The following CSMD1 variants were observed in gnomAD, a reference collection of about 807,000 sequenced individuals.
CSMD1 encodes the protein CUB and sushi domain-containing protein 1.
A neutral mutation model predicts 417.5 loss-of-function variants in CSMD1; 213 were observed. The observed-to-expected ratio is 0.51, with a 90% CI of 0.46 to 0.57. The LOEUF (loss-of-function observed/expected upper bound fraction) is 0.57, where lower values mean the gene tolerates loss of function less well. CSMD1 is among the 20% of genes least tolerant of loss of function. The pLI, the probability that CSMD1 is intolerant of heterozygous loss-of-function variation, is 0.00. For missense variants in CSMD1, 6,923 were observed against 4,529.7 expected, an observed-to-expected ratio of 1.53 and a Z score of -15.17; for synonymous variants, 2,862 against 1,736.8, an observed-to-expected ratio of 1.65 and a Z score of -16.11.
Position 3,367,054 on chromosome 8 carries a change from C to G in CSMD1, c.3093G>C (p.Glu1031Asp). 6.2e-7 allele frequency: 1 copy of G among 1,613,498 alleles called. No individual in the cohort carries two copies. The highest frequency in any genetic ancestry group is 8.5e-7 in the Non-Finnish European group (1 of 1,179,678). The change falls in exon 20 of 70, where the codon GAG becomes GAC. Residue 1031 changes from glutamate to aspartate, a missense_variant. By Grantham distance (45) the Glu-to-Asp change is conservative. Coordinates refer to ENST00000635120, the MANE Select transcript of CSMD1 (RefSeq NM_033225.6). Reference sequence around the variant, plus strand: ...TACCTGAAAATGTGATATTGAAGCCCTCGTACGAAATTGAGAAGTCTGATA... The same window carrying G: ...TACCTGAAAATGTGATATTGAAGCCGTCGTACGAAATTGAGAAGTCTGATA... ...RFISDFSISYEGFNITFSEYD... is the reference protein window; with the variant it reads ...RFISDFSISYDGFNITFSEYD...
At chr8:4,149,588 C>G (rs186911346) in intron 3 of CSMD1, among the ~76,000 whole-genome samples, 1 of 152,144 alleles carries the variant, frequency 6.6e-6, no homozygotes, top group Non-Finnish European at 1.5e-5. Flanking sequence ...CAGATTTATG[C>G]TAAAAGGGAA....
chr8:4,474,837 G>C (rs1340731376), intron 2 of CSMD1, among the ~76,000 whole-genome samples: 1 of 152,080 alleles, frequency 6.6e-6, no homozygotes, highest in Non-Finnish European at 1.5e-5. Flanking sequence ...TTAATCAATA[G>C]TAAATATATT....
intron 3 of CSMD1, among the ~76,000 whole-genome samples, chr8:4,386,118 C>T (rs542364348): frequency 3.9e-5 from 6 of 152,276 alleles, no homozygotes; most frequent in Non-Finnish European, 5.9e-5. Context: ...GACTTTTACC[C>T]GGGAATTTCA....
intron 5 of CSMD1, among the ~76,000 whole-genome samples, chr8:3,817,266 T>C (rs1801434684): frequency 2.8e-4 from 8 of 28,712 alleles, no homozygotes; most frequent in African/African-American, 1.9e-3. Flanking sequence ...TTTTTTTTTT[T>C]TTTTTTTTTT....
chr8:4,275,784 A>G (rs1796451461), intron 3 of CSMD1, among the ~76,000 whole-genome samples: 1 of 152,206 alleles, frequency 6.6e-6, no homozygotes, highest in Non-Finnish European at 1.5e-5. Flanking sequence ...AAACTCTAAA[A>G]TGCTATAACT....
At chr8:4,310,626 A>G (rs559445243) in intron 3 of CSMD1, among the ~76,000 whole-genome samples, 10 of 152,336 alleles carry the variant, frequency 6.6e-5, no homozygotes, top group African/African-American at 2.4e-4. Context: ...TATGTTAGGA[A>G]AAATGAGTCA....
intron 10 of CSMD1, among the ~76,000 whole-genome samples, chr8:3,508,781 C>T (rs10090810): frequency 0.58 from 88,218 of 151,852 alleles, 26,227 homozygotes; most frequent in African/African-American, 0.7. Context: ...AGAACGCCTC[C>T]GTAATGCTCC....
intron 1 of CSMD1, among the ~76,000 whole-genome samples, chr8:4,738,151 G>C (rs961176717): frequency 6.6e-6 from 1 of 152,142 alleles, no homozygotes; most frequent in Non-Finnish European, 1.5e-5. Context: ...GAATTAAACA[G>C]AATATCAGGT....
intron 3 of CSMD1, among the ~76,000 whole-genome samples, chr8:4,182,007 C>G (rs1223125554): frequency 6.8e-6 from 1 of 147,728 alleles, no homozygotes; most frequent in African/African-American, 2.5e-5. Context: ...TTTAAGTACA[C>G]AGAAACTCAT....
Position 2,966,746 on chromosome 8 carries a change from G to C in CSMD1, c.8924C>G (p.Ala2975Gly). ...SWSGLQPVCE[A>G]VSCGNPGTPT... ...TGTGCCAGGGTTGCCACAGGACACGGCTGTTAGGCAAACAAGAACACCACC... is the reference window on the plus strand; with the variant it reads ...TGTGCCAGGGTTGCCACAGGACACGCCTGTTAGGCAAACAAGAACACCACC... The change falls in exon 58 of 70, where the codon GCC becomes GGC. Residue 2975 changes from alanine (A) to glycine (G), a missense_variant and splice_region_variant. By Grantham distance (60) the Ala-to-Gly change is moderately conservative. Coordinates refer to ENST00000635120, the MANE Select transcript of CSMD1 (RefSeq NM_033225.6). The C allele has an allele frequency of 6.2e-7, 1 of 1,612,690 alleles. No homozygotes were observed. Among genetic ancestry groups the C allele is most frequent in the Non-Finnish European group, 8.5e-7 (1 of 1,179,364 alleles).
At chr8:4,318,445 T>A (rs143409882) in intron 3 of CSMD1, among the ~76,000 whole-genome samples, 1 of 152,094 alleles carries the variant, frequency 6.6e-6, no homozygotes, top group Non-Finnish European at 1.5e-5. Context: ...GAAAATTACA[T>A]TGAGTTAAAA....
intron 5 of CSMD1, among the ~76,000 whole-genome samples, chr8:3,974,844 G>A (rs1267295252): frequency 2.6e-5 from 4 of 151,958 alleles, no homozygotes; most frequent in Non-Finnish European, 4.4e-5. Context: ...TTTTACCAGA[G>A]TAAGATATAA....
intron 54 of CSMD1, among the ~76,000 whole-genome samples, chr8:2,983,416 G>A (rs1312974187): frequency 6.6e-6 from 1 of 152,082 alleles, no homozygotes; most frequent in Non-Finnish European, 1.5e-5. Flanking sequence ...TCTATCTCCT[G>A]ACCTCGTGAT....
intron 12 of CSMD1, among the ~76,000 whole-genome samples, chr8:3,446,728 T>C (rs1023971085): frequency 4.6e-5 from 7 of 152,236 alleles, no homozygotes; most frequent in African/African-American, 1.4e-4. Flanking sequence ...ACTTATAAAG[T>C]GCAAAAATGC....
At chr8:4,749,144 G>A (rs760990978) in intron 1 of CSMD1, among the ~76,000 whole-genome samples, 4 of 152,218 alleles carry the variant, frequency 2.6e-5, no homozygotes, top group African/African-American at 4.8e-5. Context: ...ATTGTCATGA[G>A]TCATAGATTA....
intron 1 of CSMD1, among the ~76,000 whole-genome samples, chr8:4,910,165 A>G (rs570532258): frequency 5.2e-4 from 79 of 152,268 alleles, no homozygotes; most frequent in African/African-American, 1.8e-3. Context: ...TATATTTCAA[A>G]TTGTGTTTCA....
intron 10 of CSMD1, among the ~76,000 whole-genome samples, chr8:3,564,931 G>A (rs1799634235): frequency 6.6e-6 from 1 of 151,528 alleles, no homozygotes; most frequent in South Asian, 2.1e-4. Context: ...AGTTGACAAG[G>A]ACACAATCAT....
intron 7 of CSMD1, among the ~76,000 whole-genome samples, chr8:3,650,565 T>C (rs1797801897): frequency 1.3e-5 from 2 of 152,176 alleles, no homozygotes; most frequent in South Asian, 2.1e-4. Flanking sequence ...TTATTACAGA[T>C]TGTATACTGC....
chr8:3,643,520 G>T, intron 7 of CSMD1, among the ~76,000 whole-genome samples: 1 of 152,020 alleles, frequency 6.6e-6, no homozygotes, highest in Middle Eastern at 3.4e-3. Flanking sequence ...GGCTAACACA[G>T]TGAAATCCAG....
Sources: gnomAD v4.1 joint callset for allele counts (sites outside exome capture counted in the v4.1 genomes callset) on GRCh38, gnomAD v4.1.1 for gene constraint, MANE v1.5 for transcripts, NCBI Gene and HGNC (gene_info 2026-07-23, HGNC 2026-07-21) for gene names.